The following SMC5 variants were observed in gnomAD, a reference collection of about 807,000 sequenced individuals.
SMC5 encodes the protein structural maintenance of chromosomes 5.
In SMC5, 88 loss-of-function variants were observed where a neutral mutation model predicts 148.3. The ratio of observed to expected loss-of-function variants is 0.59; its 90% CI spans 0.50 to 0.71. SMC5 has a LOEUF of 0.71. Among genes scored for constraint, SMC5 ranks in the 30% least tolerant of loss-of-function variants. SMC5 has a pLI of 0.00. For synonymous variants in SMC5, 421 were observed against 432.8 expected (o/e 0.97, Z 0.34); for missense variants, 1,142 against 1,298.9 (o/e 0.88, Z 1.86).
At chr9:70,262,959 C>CAA (rs34606031) in intron 1 of SMC5, among the ~76,000 whole-genome samples, 15 of 141,618 alleles carry the variant, frequency 1.1e-4, no homozygotes, top group South Asian at 6.6e-4. Context: ...CTACCCCCGC[C>CAA]AAAAAAAAAA....
At chr9:70,280,096 G>A (rs1381868336) in intron 5 of SMC5, among the ~76,000 whole-genome samples, 1 of 152,142 alleles carries the variant, frequency 6.6e-6, no homozygotes, top group Non-Finnish European at 1.5e-5. Flanking sequence ...AATCAAAGGA[G>A]TTGTTCTGAG....
At chr9:70,259,304 C>CT in intron 1 of SMC5, 41 bp downstream of exon 1, 2 of 1,520,886 alleles carry the variant, frequency 1.3e-6, no homozygotes, top group African/African-American at 2.8e-5. Context: ...TGGAGGTGTG[C>CT]TGGCCAGCAG....
chr9:70,263,881 T>C (rs2034203882), intron 1 of SMC5, among the ~76,000 whole-genome samples: 1 of 152,240 alleles, frequency 6.6e-6, no homozygotes. Context: ...GTTTGAAATA[T>C]TAAAATATGA....
intron 10 of SMC5, among the ~76,000 whole-genome samples, chr9:70,304,793 A>G (rs2118465897): frequency 6.9e-6 from 1 of 144,708 alleles, no homozygotes; most frequent in Non-Finnish European, 1.5e-5. Flanking sequence ...AAGCCATAGC[A>G]AGGTTTTTTT....
chr9:70,283,587 A>G (rs866186505), intron 7 of SMC5, among the ~76,000 whole-genome samples: 1 of 152,202 alleles, frequency 6.6e-6, no homozygotes, highest in East Asian at 1.9e-4. Context: ...TTTATGCTAT[A>G]TATAGGTAAT....
intron 3 of SMC5, among the ~76,000 whole-genome samples, chr9:70,271,323 A>G (rs934594597): frequency 2.0e-5 from 3 of 152,194 alleles, no homozygotes; most frequent in African/African-American, 7.2e-5. Flanking sequence ...ACATAAATAA[A>G]ATTTAAGTAT....
chr9:70,320,768 T>C (rs2035922595), intron 15 of SMC5, among the ~76,000 whole-genome samples: 1 of 152,154 alleles, frequency 6.6e-6, no homozygotes, highest in South Asian at 2.1e-4. Context: ...TACTTAAGAT[T>C]TTGAGGTTTA....
intron 7 of SMC5, among the ~76,000 whole-genome samples, chr9:70,283,386 G>A (rs1017012556): frequency 4.6e-5 from 7 of 152,172 alleles, no homozygotes; most frequent in African/African-American, 1.4e-4. Flanking sequence ...AGGATCACTT[G>A]CGCCTACGAG....
chr9:70,259,041 G>A lies in SMC5; in HGVS notation c.-38G>A, dbSNP rs1196396200. 6.4e-7 allele frequency: 1 copy of A among 1,559,174 alleles called. No homozygotes were observed. The highest frequency in any genetic ancestry group is 8.7e-7 in the Non-Finnish European group (1 of 1,151,546). ...TTGGGCGCCTGGGCTGCCGGACGGT[G>A]GGAACGGAAGTCGCTGTGGGACGCT... On this transcript the variant is annotated 5_prime_UTR_variant, in exon 1 of 25. Transcript: ENST00000361138.
intron 17 of SMC5, 70 bp from the exon 18 acceptor site, chr9:70,344,074 G>C: frequency 2.3e-6 from 2 of 866,034 alleles, no homozygotes; most frequent in Non-Finnish European, 3.3e-6. Context: ...TTTAATATGT[G>C]GTAGTTTAAT....
intron 17 of SMC5, among the ~76,000 whole-genome samples, chr9:70,337,460 T>G (rs1446608036): frequency 4.8e-4 from 20 of 41,442 alleles, no homozygotes; most frequent in Non-Finnish European, 1.3e-3. Flanking sequence ...GTTTTTTTTT[T>G]TTTTTTTTTT....
intron 11 of SMC5, among the ~76,000 whole-genome samples, chr9:70,306,154 A>G (rs1042048964): frequency 3.5e-4 from 53 of 152,158 alleles, no homozygotes. Flanking sequence ...TATATGTTGT[A>G]TTGTCTGTAA....
Position 70,323,467 on chromosome 9 carries a change from T to C in SMC5, c.2151-16T>C. ...TGTTTAACACTGATTTCTTCATTAT[T>C]ATATGTGTCATACAGTTTAAAGCTG... On this transcript the variant is annotated splice_polypyrimidine_tract_variant and intron_variant, in intron 15 of 24. Transcript: ENST00000361138. 6.3e-7 allele frequency: 1 copy of C among 1,580,934 alleles called. No individual in the cohort carries two copies. The highest frequency in any genetic ancestry group is 8.6e-7 in the Non-Finnish European group (1 of 1,168,926).
chr9:70,267,883 A>C, intron 2 of SMC5, 40 bp from the exon 3 acceptor site: 1 of 1,536,518 alleles, frequency 6.5e-7, no homozygotes, highest in South Asian at 1.2e-5. Context: ...TAACCTGGGA[A>C]TGTCACTACA....
chr9:70,336,768 G>T (rs2036367284), intron 17 of SMC5, among the ~76,000 whole-genome samples: 2 of 152,212 alleles, frequency 1.3e-5, no homozygotes, highest in South Asian at 2.1e-4. Context: ...TCATGAAGAA[G>T]TTGACCCATC....
intron 13 of SMC5, 33 bp downstream of exon 13, chr9:70,315,611 G>A: frequency 6.9e-7 from 1 of 1,439,394 alleles, no homozygotes; most frequent in Non-Finnish European, 9.2e-7. Flanking sequence ...ACTGAATCAT[G>A]TACCAAAAAT....
At chr9:70,331,224 A>G (rs568114119) in intron 17 of SMC5, among the ~76,000 whole-genome samples, 7 of 152,198 alleles carry the variant, frequency 4.6e-5, no homozygotes, top group Non-Finnish European at 8.8e-5. Flanking sequence ...GCCACATTTT[A>G]GTGCTTTATA....
At chr9:70,266,767 T>A (rs1189634561) in intron 2 of SMC5, among the ~76,000 whole-genome samples, 1 of 152,236 alleles carries the variant, frequency 6.6e-6, no homozygotes, top group Non-Finnish European at 1.5e-5. Context: ...CTACACCATC[T>A]GTATGGATAC....
chr9:70,323,687 A>ACCCC, intron 16 of SMC5, 81 bp downstream of exon 16: 2 of 1,444,616 alleles, frequency 1.4e-6, no homozygotes, highest in Non-Finnish European at 1.9e-6. Flanking sequence ...GAGGGAGGGA[A>ACCCC]GGTTTTGATT....
Sources: allele counts gnomAD v4.1 joint callset (sites outside exome capture counted in the v4.1 genomes callset), GRCh38; gene constraint gnomAD v4.1.1; transcripts MANE v1.5; gene names NCBI Gene and HGNC (gene_info 2026-07-23, HGNC 2026-07-21).